The following ZNF280D variants were observed in gnomAD, a reference collection of about 807,000 sequenced individuals.
ZNF280D encodes the protein suppressor of hairy wing homolog 4.
ZNF280D carries 39 observed loss-of-function variants against 94.7 expected under a neutral mutation model. The ratio of observed to expected loss-of-function variants is 0.41; its 90% CI spans 0.32 to 0.54. The LOEUF (loss-of-function observed/expected upper bound fraction) is 0.54. Ranked by LOEUF, ZNF280D falls within the 20% of genes least tolerant of loss-of-function variation. The probability of loss-of-function intolerance (pLI) is 0.22; values close to 1 mark genes in which losing one functional copy is unlikely to be tolerated. For missense variants in ZNF280D, 1,090 were observed against 1,149.3 expected, an observed-to-expected ratio of 0.95 and a Z score of 0.75; for synonymous variants, 398 against 377.6, an observed-to-expected ratio of 1.05 and a Z score of -0.63.
chr15:56,718,622 G>A (rs1192397021), intron 1 of ZNF280D, among the ~76,000 whole-genome samples: 1 of 152,034 alleles, frequency 6.6e-6, no homozygotes, highest in Non-Finnish European at 1.5e-5. Flanking sequence ...TTTCACACAG[G>A]GTACAGGGAA....
chr15:56,708,397 T>C (rs2057544121), intron 1 of ZNF280D, among the ~76,000 whole-genome samples: 1 of 152,222 alleles, frequency 6.6e-6, no homozygotes, highest in African/African-American at 2.4e-5. Context: ...CTAGCAACAG[T>C]ATAATGCTTA....
intron 13 of ZNF280D, among the ~76,000 whole-genome samples, chr15:56,673,007 A>G (rs2054971648): frequency 6.6e-6 from 1 of 152,012 alleles, no homozygotes; most frequent in Non-Finnish European, 1.5e-5. Context: ...AAACAAATTC[A>G]CTTATATGTG....
In ZNF280D at chr15:56,731,089, A is replaced by C. The variant is rs140537239; in HGVS notation, c.-86+2369T>G. On this transcript the variant is annotated intron_variant, in intron 1 of 21. Transcript: ENST00000267807. ...AAATATATTCAAGCCTTTAGACCCA[A>C]ATCCAAGTTTAGAGAAAACAGAGAG... Among the ~76,000 whole-genome samples the C allele has an allele frequency of 8.0e-3, 1,222 of 152,316 alleles. 7 individuals carry two copies. The highest frequency in any genetic ancestry group is 0.011 in the Non-Finnish European group (738 of 68,026).
chr15:56,709,411 G>C (rs2057618022), intron 1 of ZNF280D, among the ~76,000 whole-genome samples: 1 of 151,438 alleles, frequency 6.6e-6, no homozygotes, highest in African/African-American at 2.4e-5. Flanking sequence ...ACTGTTGGTG[G>C]GACTGTAAAC....
chr15:56,726,385 G>A (rs1447301142), intron 1 of ZNF280D, among the ~76,000 whole-genome samples: 4 of 152,098 alleles, frequency 2.6e-5, no homozygotes, highest in African/African-American at 9.7e-5. Flanking sequence ...TAGAAAGACT[G>A]ACATTATTCA....
At chr15:56,679,110 T>A (rs1566972192) in intron 10 of ZNF280D, among the ~76,000 whole-genome samples, 1 of 152,132 alleles carries the variant, frequency 6.6e-6, no homozygotes, top group East Asian at 1.9e-4. Context: ...TAAAAAATTT[T>A]TTTAGATAAA....
Position 56,646,744 on chromosome 15 carries a change from T to C in ZNF280D, c.2214-3747A>G, listed in dbSNP as rs117304873. On this transcript the variant is annotated intron_variant, in intron 19 of 21. Coordinates refer to ENST00000267807, the MANE Select transcript of ZNF280D (RefSeq NM_017661.4). The stretch of plus-strand genomic sequence containing the variant: ...AAACACAATGAAGCAAATGTTTACA[T>C]TATGAAAAGGTTTAGAAAAGACATC... Among the ~76,000 whole-genome samples the C allele has an allele frequency of 5.2e-3, 793 of 152,290 alleles. 21 individuals are homozygous for C. The East Asian group carries it at 0.084, about 16-fold the overall frequency.
chr15:56,709,479 T>C (rs1050567658), intron 1 of ZNF280D, among the ~76,000 whole-genome samples: 5 of 152,162 alleles, frequency 3.3e-5, no homozygotes, highest in Non-Finnish European at 4.4e-5. Context: ...GTACTAGAAA[T>C]ACCATTTGAC....
chr15:56,723,418 G>A (rs563942035), intron 1 of ZNF280D, among the ~76,000 whole-genome samples: 16 of 152,198 alleles, frequency 1.1e-4, no homozygotes, highest in African/African-American at 3.9e-4. Context: ...TGGGTAACAG[G>A]TTTCCTTTTG....
chr15:56,654,048 A>T, intron 19 of ZNF280D, 150 bp downstream of exon 19: 2 of 1,497,918 alleles, frequency 1.3e-6, no homozygotes, highest in Non-Finnish European at 1.8e-6. Flanking sequence ...TCCATAGAGC[A>T]GGAACCTATT....
chr15:56,659,270 ATAATAGCTTC>A (rs2053757200), intron 16 of ZNF280D, among the ~76,000 whole-genome samples: 2 of 151,540 alleles, frequency 1.3e-5, no homozygotes, highest in South Asian at 4.2e-4. Flanking sequence ...GTAGCCCATG[ATAATAGCTTC>A]TATATACCCT....
intron 1 of ZNF280D, among the ~76,000 whole-genome samples, chr15:56,720,410 T>A (rs569810714): frequency 6.6e-6 from 1 of 152,308 alleles, no homozygotes; most frequent in South Asian, 2.1e-4. Context: ...CATCTGCAGT[T>A]ACTTCCTCCA....
intron 4 of ZNF280D, 113 bp downstream of exon 4, chr15:56,704,008 T>C: frequency 8.6e-7 from 1 of 1,157,450 alleles, no homozygotes. Flanking sequence ...TCCCCAATCA[T>C]GTTCCTCTTT....
chr15:56,667,222 C>G (rs1049323210), intron 14 of ZNF280D, among the ~76,000 whole-genome samples: 4 of 152,058 alleles, frequency 2.6e-5, no homozygotes, highest in Non-Finnish European at 5.9e-5. Flanking sequence ...ACACAGTTAT[C>G]AGTGAATAAT....
rs74396247 is a variant in ZNF280D at position 56,715,806 on chromosome 15, A to T, written c.-85-8500T>A. Reference sequence around the variant, plus strand: ...TACATGACAGAAGGTCATTTATTCCAGAAGTGCACATTTGGCCCTCCCTAT... The same window carrying T: ...TACATGACAGAAGGTCATTTATTCCTGAAGTGCACATTTGGCCCTCCCTAT... On this transcript the variant is annotated intron_variant, in intron 1 of 21. Transcript: ENST00000267807. Among the ~76,000 whole-genome samples the T allele has an allele frequency of 6.4e-3, 970 of 152,290 alleles. 8 individuals carry two copies. Among genetic ancestry groups the T allele is most frequent in the African/African-American group, 0.022 (924 of 41,584 alleles).
intron 13 of ZNF280D, among the ~76,000 whole-genome samples, chr15:56,669,937 T>TTTATATATATATA (rs2054661245): frequency 6.9e-4 from 1 of 1,444 alleles, no homozygotes. Context: ...ATATATATAT[T>TTTATATATATATA]ATATATATAT....
intron 10 of ZNF280D, among the ~76,000 whole-genome samples, chr15:56,681,501 C>CT (rs1204561712): frequency 6.6e-6 from 1 of 152,090 alleles, no homozygotes; most frequent in Non-Finnish European, 1.5e-5. Flanking sequence ...TTTCAAAACT[C>CT]TGCTTAATAT....
intron 21 of ZNF280D, among the ~76,000 whole-genome samples, chr15:56,634,494 G>A (rs534567489): frequency 3.4e-4 from 52 of 152,168 alleles, no homozygotes; most frequent in Non-Finnish European, 6.8e-4. Flanking sequence ...TACTATTGAA[G>A]TATAAGAAAC....
chr15:56,697,452 T>C (rs1467225392), intron 6 of ZNF280D, among the ~76,000 whole-genome samples: 1 of 152,252 alleles, frequency 6.6e-6, no homozygotes, highest in African/African-American at 2.4e-5. Context: ...CCCAAAGTGC[T>C]GGGACTACAG....
Sources: allele counts gnomAD v4.1 joint callset (sites outside exome capture counted in the v4.1 genomes callset), GRCh38; gene constraint gnomAD v4.1.1; transcripts MANE v1.5; gene names NCBI Gene and HGNC (gene_info 2026-07-23, HGNC 2026-07-21).